CAMK4: variants seen among roughly 807,000 people sequenced by gnomAD.
CAMK4 encodes the protein calcium/calmodulin dependent protein kinase IV, also known as calcium/calmodulin-dependent protein kinase type IV.
In CAMK4, 22 loss-of-function variants were observed where a neutral mutation model predicts 44.9. That is an observed-to-expected ratio of 0.49 (90% CI 0.35 to 0.70). The LOEUF is 0.70. Ranked by LOEUF, CAMK4 falls within the 30% of genes least tolerant of loss-of-function variation. The probability of loss-of-function intolerance (pLI) is 0.01; values close to 1 mark genes in which losing one functional copy is unlikely to be tolerated. For missense variants in CAMK4, 498 were observed against 586.8 expected, an observed-to-expected ratio of 0.85 and a Z score of 1.56; for synonymous variants, 218 against 215.4, an observed-to-expected ratio of 1.01 and a Z score of -0.11.
At chr5:111,437,612 T>C (rs1292286904) in intron 5 of CAMK4, among the ~76,000 whole-genome samples, 1 of 152,124 alleles carries the variant, frequency 6.6e-6, no homozygotes, top group African/African-American at 2.4e-5. Context: ...GAAGGATAGG[T>C]ACAGTTTCCC....
rs1755825784 is a variant in CAMK4 at position 111,491,394 on chromosome 5, G to C, written c.*6928G>C. The C allele has an allele frequency of 6.6e-6, 1 of 151,434 alleles. No homozygotes were observed. Among genetic ancestry groups the C allele is most frequent in the Non-Finnish European group, 1.5e-5 (1 of 67,902 alleles). 9.4% of individuals were successfully genotyped at this position (151,434 alleles called of 1,614,324 possible). On this transcript the variant is annotated 3_prime_UTR_variant, in exon 11 of 11. Coordinates refer to ENST00000282356, the MANE Select transcript of CAMK4 (RefSeq NM_001744.6). ...TTCATGGCACCCCAATGCCTTTTTG[G>C]TGACTTGCAGGAATACAGATTCCTA...
At chr5:111,415,188 C>A (rs1022391388) in intron 5 of CAMK4, among the ~76,000 whole-genome samples, 13 of 152,140 alleles carry the variant, frequency 8.5e-5, no homozygotes, top group Non-Finnish European at 1.5e-5. Context: ...AAGTTGTGAT[C>A]TGTCCTGACC....
intron 1 of CAMK4, among the ~76,000 whole-genome samples, chr5:111,237,018 C>G (rs17520975): frequency 6.6e-6 from 1 of 152,014 alleles, no homozygotes. Context: ...ACTAGCACAC[C>G]GAAATTACTT....
intron 2 of CAMK4, among the ~76,000 whole-genome samples, chr5:111,346,985 G>A (rs983605266): frequency 6.6e-6 from 1 of 151,930 alleles, no homozygotes; most frequent in Admixed American, 6.6e-5. Flanking sequence ...AAAGGTAAGG[G>A]TACATTTCAG....
chr5:111,341,530 T>C (rs1749643491), intron 1 of CAMK4, among the ~76,000 whole-genome samples: 1 of 151,144 alleles, frequency 6.6e-6, no homozygotes, highest in African/African-American at 2.4e-5. Flanking sequence ...TAGGACTATT[T>C]TTGGATCCTT....
intron 5 of CAMK4, among the ~76,000 whole-genome samples, chr5:111,409,816 A>G (rs1580714856): frequency 1.3e-5 from 2 of 152,310 alleles, no homozygotes; most frequent in South Asian, 4.1e-4. Context: ...GCATAACAAG[A>G]GTGACCTTTA....
intron 1 of CAMK4, among the ~76,000 whole-genome samples, chr5:111,236,452 G>C (rs1325229472): frequency 6.6e-6 from 1 of 152,256 alleles, no homozygotes; most frequent in East Asian, 1.9e-4. Context: ...TGAGCCTGAG[G>C]CTCAGAATGG....
intron 5 of CAMK4, among the ~76,000 whole-genome samples, chr5:111,424,592 C>G (rs559485331): frequency 8.6e-4 from 130 of 151,426 alleles, no homozygotes; most frequent in African/African-American, 3.1e-3. Context: ...CTACAGGTGC[C>G]CACCACCACG....
chr5:111,331,996 G>A lies in CAMK4; in HGVS notation c.162-12028G>A, dbSNP rs1020652095. 8.6e-5 allele frequency among the ~76,000 whole-genome samples: 13 copies of A among 151,552 alleles called. No individual in the cohort carries two copies. The East Asian group carries it at 1.6e-3, about 18-fold the overall frequency. On this transcript the variant is annotated intron_variant, in intron 1 of 10. Transcript: ENST00000282356. ...TTTTCACTTGATGAAATCTAACTCCGTTTTAAAAATGAACAGTGATTTCTG... is the reference window on the plus strand; with the variant it reads ...TTTTCACTTGATGAAATCTAACTCCATTTTAAAAATGAACAGTGATTTCTG...
At chr5:111,399,286 C>T (rs565531147) in intron 5 of CAMK4, among the ~76,000 whole-genome samples, 1 of 152,260 alleles carries the variant, frequency 6.6e-6, no homozygotes, top group South Asian at 2.1e-4. Flanking sequence ...CTTTCTATGG[C>T]TCATTTCTCT....
intron 7 of CAMK4, among the ~76,000 whole-genome samples, chr5:111,471,226 A>T (rs1027893808): frequency 1.3e-5 from 2 of 151,252 alleles, no homozygotes; most frequent in Non-Finnish European, 2.9e-5. Flanking sequence ...ACTTTGCTCA[A>T]CTTTTAATTT....
At chr5:111,469,415 T>C (rs1199601327) in intron 7 of CAMK4, among the ~76,000 whole-genome samples, 12 of 152,092 alleles carry the variant, frequency 7.9e-5, no homozygotes, top group Non-Finnish European at 1.6e-4. Flanking sequence ...TTTACTCACA[T>C]TGCAGTACAG....
chr5:111,267,931 G>T (rs1750336311), intron 1 of CAMK4, among the ~76,000 whole-genome samples: 1 of 152,158 alleles, frequency 6.6e-6, no homozygotes, highest in Non-Finnish European at 1.5e-5. Flanking sequence ...ATTTGTCTGG[G>T]TAGCAAACGG....
intron 8 of CAMK4, among the ~76,000 whole-genome samples, chr5:111,474,912 C>T (rs1289580940): frequency 6.6e-6 from 1 of 152,214 alleles, no homozygotes; most frequent in Non-Finnish European, 1.5e-5. Flanking sequence ...CCTGTAATCC[C>T]AGCACTTCGG....
chr5:111,258,086 G>A (rs1580490441), intron 1 of CAMK4, among the ~76,000 whole-genome samples: 2 of 152,252 alleles, frequency 1.3e-5, no homozygotes, highest in Middle Eastern at 3.4e-3. Context: ...AAGCTGATAG[G>A]TGCAGCAAAC....
At chr5:111,332,093 A>T (rs1199928850) in intron 1 of CAMK4, among the ~76,000 whole-genome samples, 1 of 151,608 alleles carries the variant, frequency 6.6e-6, no homozygotes, top group Non-Finnish European at 1.5e-5. Flanking sequence ...TTTTATTATT[A>T]TTATACTTTA....
intron 1 of CAMK4, among the ~76,000 whole-genome samples, chr5:111,240,932 C>A (rs545882439): frequency 1.6e-4 from 24 of 152,154 alleles, no homozygotes; most frequent in Non-Finnish European, 2.9e-4. Flanking sequence ...ACTCTGGTAC[C>A]TAGTAGCTGT....
chr5:111,235,521 A>T (rs904066782), intron 1 of CAMK4, among the ~76,000 whole-genome samples: 1 of 152,168 alleles, frequency 6.6e-6, no homozygotes, highest in Non-Finnish European at 1.5e-5. Context: ...ACTAATAACA[A>T]TGTTCAATGA....
intron 2 of CAMK4, among the ~76,000 whole-genome samples, chr5:111,368,578 T>G (rs973141416): frequency 9.9e-5 from 15 of 152,254 alleles, no homozygotes; most frequent in Admixed American, 3.9e-4. Flanking sequence ...AAGCAACAGG[T>G]GACCCTCAGC....
Sources: gnomAD v4.1 joint callset for allele counts (sites outside exome capture counted in the v4.1 genomes callset) on GRCh38, gnomAD v4.1.1 for gene constraint, MANE v1.5 for transcripts, NCBI Gene and HGNC (gene_info 2026-07-23, HGNC 2026-07-21) for gene names.